Variants in PIGL observed in about 807,000 individuals in gnomAD.
PIGL encodes phosphatidylinositol glycan anchor biosynthesis class L, also known as N-acetylglucosaminyl-phosphatidylinositol de-N-acetylase.
In PIGL, 22 loss-of-function variants were observed where a neutral mutation model predicts 31.1. The ratio of observed to expected loss-of-function variants is 0.71; its 90% confidence interval spans 0.51 to 1.01. The LOEUF (loss-of-function observed/expected upper bound fraction) is 1.01, where lower values mean the gene tolerates loss of function less well. Ranked by LOEUF, PIGL falls within the 50% of genes least tolerant of loss-of-function variation. The probability of loss-of-function intolerance (pLI) is 0.00; values close to 1 mark genes in which losing one functional copy is unlikely to be tolerated. For missense variants in PIGL, 302 were observed against 315.9 expected, an observed-to-expected ratio of 0.96 and a Z score of 0.33; for synonymous variants, 131 against 117.4, an observed-to-expected ratio of 1.12 and a Z score of -0.75.
intron 3 of PIGL, among the ~76,000 whole-genome samples, chr17:16,310,731 C>T (rs2093045746): frequency 6.6e-6 from 1 of 152,166 alleles, no homozygotes; most frequent in African/African-American, 2.4e-5. Flanking sequence ...GAGAGGGTTT[C>T]GCCATGTTGG....
intron 1 of PIGL, 149 bp from the exon 2 acceptor site, chr17:16,233,822 G>C (rs1366166609): frequency 1.7e-5 from 10 of 575,000 alleles, no homozygotes; most frequent in South Asian, 1.1e-4. Context: ...GTATCTTGGT[G>C]TCGTGTTTTC....
chr17:16,279,141 A>G (rs2092906975), intron 2 of PIGL, among the ~76,000 whole-genome samples: 2 of 152,228 alleles, frequency 1.3e-5, no homozygotes, highest in African/African-American at 4.8e-5. Context: ...TTGTCCCTTC[A>G]GGGTTCACCT....
At chr17:16,246,510 C>CAA (rs896732212) in intron 2 of PIGL, among the ~76,000 whole-genome samples, 1 of 134,576 alleles carries the variant, frequency 7.4e-6, no homozygotes, top group Non-Finnish European at 1.6e-5. Flanking sequence ...GACTCCGTCT[C>CAA]AAAAAAAAAA....
intron 1 of PIGL, among the ~76,000 whole-genome samples, chr17:16,228,278 G>T (rs145037226): frequency 0.019 from 2,840 of 151,538 alleles, 59 homozygotes; most frequent in East Asian, 0.05. Flanking sequence ...GGCTTGTCTT[G>T]AACTCCTGAC....
At chr17:16,220,215 G>A (rs1166681891) in intron 1 of PIGL, among the ~76,000 whole-genome samples, 1 of 151,912 alleles carries the variant, frequency 6.6e-6, no homozygotes, top group African/African-American at 2.4e-5. Flanking sequence ...GGCTGTGGTG[G>A]TCCACGCCTG....
chr17:16,312,355 A>T (rs1248999457), intron 3 of PIGL: 1 of 163,896 alleles, frequency 6.1e-6, no homozygotes, highest in Admixed American at 6.5e-5. Flanking sequence ...CCCACATCTC[A>T]GACGATGGGC....
chr17:16,273,832 G>C (rs77198349), intron 2 of PIGL, among the ~76,000 whole-genome samples: 23 of 152,284 alleles, frequency 1.5e-4, no homozygotes, highest in African/African-American at 4.6e-4. Flanking sequence ...CTGCCTAAAG[G>C]GGGGAAACAT....
At chr17:16,311,635 C>T (rs542899439) in intron 3 of PIGL, among the ~76,000 whole-genome samples, 29 of 147,832 alleles carry the variant, frequency 2.0e-4, no homozygotes, top group African/African-American at 6.8e-4. Flanking sequence ...TCCCTGGGTA[C>T]TTGAGATTAG....
chr17:16,294,524 A>C (rs909261367), intron 2 of PIGL, among the ~76,000 whole-genome samples: 1 of 152,186 alleles, frequency 6.6e-6, no homozygotes, highest in African/African-American at 2.4e-5. Flanking sequence ...AAAGCTGGAA[A>C]ACTCTTAGAC....
intron 2 of PIGL, among the ~76,000 whole-genome samples, chr17:16,235,567 C>T (rs984834083): frequency 6.7e-6 from 1 of 149,928 alleles, no homozygotes; most frequent in Admixed American, 6.8e-5. Context: ...CCCCCTCAGT[C>T]TCCCAAGTAG....
intron 2 of PIGL, among the ~76,000 whole-genome samples, chr17:16,266,687 C>T (rs2092844868): frequency 6.6e-6 from 1 of 151,944 alleles, no homozygotes; most frequent in African/African-American, 2.4e-5. Flanking sequence ...GCTCCGCGTC[C>T]CAGGTTCATG....
At chr17:16,317,464 A>G (rs778944873) in intron 5 of PIGL, 8 of 1,093,280 alleles carry the variant, frequency 7.3e-6, no homozygotes, top group Non-Finnish European at 9.0e-6. Flanking sequence ...CTCCCAATAC[A>G]GTAATTCCTG....
chr17:16,286,515 CTGTT>C (rs1365334363), intron 2 of PIGL, among the ~76,000 whole-genome samples: 2 of 152,198 alleles, frequency 1.3e-5, no homozygotes, highest in Non-Finnish European at 2.9e-5. Flanking sequence ...GGAAAGGTCA[CTGTT>C]TGAGGATATT....
chr17:16,272,451 T>G (rs535094540), intron 2 of PIGL, among the ~76,000 whole-genome samples: 1 of 152,280 alleles, frequency 6.6e-6, no homozygotes, highest in Non-Finnish European at 1.5e-5. Context: ...TTCAAGATTC[T>G]CTCATCATTA....
intron 2 of PIGL, among the ~76,000 whole-genome samples, chr17:16,253,544 A>T (rs760021161): frequency 1.3e-5 from 2 of 152,212 alleles, no homozygotes; most frequent in African/African-American, 2.4e-5. Context: ...AAAACTTTTT[A>T]AAAATACACA....
At chr17:16,317,076 C>T in intron 5 of PIGL, 1 of 1,077,290 alleles carries the variant, frequency 9.3e-7, no homozygotes, top group Non-Finnish European at 1.1e-6. Flanking sequence ...ACCAATCTGC[C>T]TGAGTTAGGA....
intron 2 of PIGL, among the ~76,000 whole-genome samples, chr17:16,245,194 C>T (rs1369881023): frequency 3.3e-5 from 5 of 152,048 alleles, no homozygotes; most frequent in Non-Finnish European, 5.9e-5. Flanking sequence ...GGTTTCACCA[C>T]ATTGGCCAGG....
At chr17:16,309,257 A>G (rs1200235735) in intron 3 of PIGL, among the ~76,000 whole-genome samples, 10 of 152,200 alleles carry the variant, frequency 6.6e-5, no homozygotes, top group Non-Finnish European at 1.3e-4. Context: ...ATGCCACTGC[A>G]CTATAGCCTG....
chr17:16,296,229 A>G (rs1359827225), intron 2 of PIGL, among the ~76,000 whole-genome samples: 1 of 152,192 alleles, frequency 6.6e-6, no homozygotes, highest in African/African-American at 2.4e-5. Context: ...GAGTCATCTT[A>G]CACATCTCCT....
Sources: allele counts gnomAD v4.1 joint callset (sites outside exome capture counted in the v4.1 genomes callset), GRCh38; gene constraint gnomAD v4.1.1; transcripts MANE v1.5; gene names NCBI Gene and HGNC (gene_info 2026-07-23, HGNC 2026-07-21).